The following SOX5 variants were observed in gnomAD, a reference collection of about 807,000 sequenced individuals.
SOX5 encodes the protein SRY-box transcription factor 5, also known as transcription factor SOX-5.
Under a neutral mutation model 92.0 loss-of-function variants are expected in SOX5, and 9 were observed. The ratio of observed to expected loss-of-function variants is 0.10; its 90% CI spans 0.06 to 0.17. SOX5 has a LOEUF of 0.17. Among genes scored for constraint, SOX5 ranks in the 10% least tolerant of loss-of-function variants. The pLI is 1.00. For missense variants in SOX5, 642 were observed against 944.5 expected (o/e 0.68, Z 4.20); for synonymous variants, 344 against 336.3 (o/e 1.02, Z -0.25).
intron 2 of SOX5, among the ~76,000 whole-genome samples, chr12:24,279,583 T>C (rs1177224958): frequency 6.6e-6 from 1 of 152,146 alleles, no homozygotes; most frequent in Admixed American, 6.6e-5. Flanking sequence ...ACAATGAACT[T>C]TCCTTTCCTA....
chr12:24,321,310 G>C (rs1389063337), intron 2 of SOX5, among the ~76,000 whole-genome samples: 1 of 152,152 alleles, frequency 6.6e-6, no homozygotes, highest in African/African-American at 2.4e-5. Context: ...ATTTATATTT[G>C]TGTAGAAAAA....
At chr12:24,378,698 A>C (rs1957528163) in intron 1 of SOX5, among the ~76,000 whole-genome samples, 2 of 152,258 alleles carry the variant, frequency 1.3e-5, no homozygotes, top group African/African-American at 4.8e-5. Context: ...CAGAGGAAAT[A>C]GTATAAATAA....
At chr12:23,816,503 A>G (rs2142565499) in intron 3 of SOX5, among the ~76,000 whole-genome samples, 1 of 152,226 alleles carries the variant, frequency 6.6e-6, no homozygotes, top group South Asian at 2.1e-4. Flanking sequence ...TAGCCAGGAC[A>G]AGATTTCTTA....
rs564618672 is a variant in SOX5, at chr12:23,645,177, A to T, written c.932-4280T>A. 7.9e-5 allele frequency among the ~76,000 whole-genome samples: 12 copies of T among 152,314 alleles called. No individual in the cohort carries two copies. The South Asian group carries it at 2.5e-3, about 32-fold the overall frequency. On this transcript the variant is annotated intron_variant, in intron 7 of 14. Coordinates refer to ENST00000451604, the MANE Select transcript of SOX5 (RefSeq NM_006940.6). ...TAGTATAGGAGGTAAGGGAGAACTA[A>T]TCCAGGCTTCAATCTTAAGGGAATA... is the stretch of plus-strand genomic sequence containing the variant.
At chr12:23,764,640 G>A (rs1463253839) in intron 3 of SOX5, among the ~76,000 whole-genome samples, 3 of 152,028 alleles carry the variant, frequency 2.0e-5, no homozygotes, top group Non-Finnish European at 4.4e-5. Context: ...ATCACTTTGT[G>A]TAATTGGATG....
intron 6 of SOX5, among the ~76,000 whole-genome samples, chr12:23,667,924 G>A (rs1055457919): frequency 2.6e-5 from 4 of 152,164 alleles, no homozygotes; most frequent in Non-Finnish European, 5.9e-5. Flanking sequence ...CTGATTATTC[G>A]TGGATTCTGT....
chr12:24,242,199 T>C (rs1390745648), intron 3 of SOX5, among the ~76,000 whole-genome samples: 1 of 152,200 alleles, frequency 6.6e-6, no homozygotes, highest in African/African-American at 2.4e-5. Context: ...TAAACTGAAC[T>C]AATTGAGTTG....
At chr12:23,729,661 T>G (rs2093316567) in intron 6 of SOX5, among the ~76,000 whole-genome samples, 1 of 152,180 alleles carries the variant, frequency 6.6e-6, no homozygotes, top group South Asian at 2.1e-4. Context: ...TTGGAAAAGT[T>G]AATCAGATGG....
rs1206089432 is a variant in SOX5 at position 23,530,476 on chromosome 12, TAA to T, written c.*3741_*3742del. On this transcript the variant is annotated 3_prime_UTR_variant, in exon 15 of 15. Transcript: ENST00000451604. ...AAAACTTTTTTATATTTGTTCTTTA[TAA>T]GAGGATTTGGTTCTAACGATGATTA... The T allele has an allele frequency of 9.0e-6, 1 of 111,336 alleles. No individual in the cohort carries two copies. Among genetic ancestry groups the T allele is most frequent in the Non-Finnish European group, 1.9e-5 (1 of 51,570 alleles). 6.9% of individuals were successfully genotyped at this position (111,336 alleles called of 1,614,324 possible). A position where few individuals can be genotyped will look rare whatever the true frequency, so the allele number is the denominator to read the frequency against.
chr12:24,263,510 A>G (rs1041896847), intron 3 of SOX5, among the ~76,000 whole-genome samples: 2 of 136,546 alleles, frequency 1.5e-5, no homozygotes, highest in African/African-American at 5.2e-5. Flanking sequence ...CCTGGGCGAC[A>G]GAGCGAGACT....
At chr12:24,386,840 A>G (rs995156475) in intron 1 of SOX5, among the ~76,000 whole-genome samples, 2 of 152,230 alleles carry the variant, frequency 1.3e-5, no homozygotes, top group Non-Finnish European at 2.9e-5. Context: ...ATTTCTAAAA[A>G]TCCAAGTAGT....
chr12:24,507,893 T>A (rs545165683), intron 1 of SOX5, among the ~76,000 whole-genome samples: 2 of 152,280 alleles, frequency 1.3e-5, no homozygotes, highest in East Asian at 3.9e-4. Flanking sequence ...TTTGAAAATT[T>A]CCATAATTTT....
At chr12:23,743,147 A>C (rs2093859165) in intron 4 of SOX5, among the ~76,000 whole-genome samples, 1 of 152,156 alleles carries the variant, frequency 6.6e-6, no homozygotes, top group Non-Finnish European at 1.5e-5. Flanking sequence ...TTTATGATAT[A>C]AAGCTAGGTT....
intron 3 of SOX5, among the ~76,000 whole-genome samples, chr12:24,253,491 T>C (rs1940569892): frequency 6.6e-6 from 1 of 152,138 alleles, no homozygotes; most frequent in Admixed American, 6.5e-5. Context: ...ATTTATATTT[T>C]TCAGTGTCTT....
intron 4 of SOX5, among the ~76,000 whole-genome samples, chr12:24,028,134 T>G (rs1955085638): frequency 6.6e-6 from 1 of 151,994 alleles, no homozygotes; most frequent in South Asian, 2.1e-4. Context: ...ATTATGACAC[T>G]TCCCTCTTAT....
intron 3 of SOX5, among the ~76,000 whole-genome samples, chr12:23,838,020 T>C (rs2096454446): frequency 9.4e-6 from 1 of 106,634 alleles, no homozygotes; most frequent in South Asian, 2.6e-4. Flanking sequence ...TTATATAATA[T>C]ATATACATTT....
At chr12:24,517,696 AT>A (rs1429629506) in intron 1 of SOX5, among the ~76,000 whole-genome samples, 1 of 112,360 alleles carries the variant, frequency 8.9e-6, no homozygotes, top group Non-Finnish European at 1.8e-5. Flanking sequence ...AACATAATTA[AT>A]TCCATGTTTT....
chr12:24,187,802 C>T (rs984213731), intron 4 of SOX5, among the ~76,000 whole-genome samples: 1 of 152,172 alleles, frequency 6.6e-6, no homozygotes, highest in East Asian at 1.9e-4. Context: ...CTCAGTCATT[C>T]GTCCAAAATT....
At chr12:24,114,458 T>A (rs1390450740) in intron 4 of SOX5, among the ~76,000 whole-genome samples, 1 of 150,450 alleles carries the variant, frequency 6.6e-6, no homozygotes, top group Non-Finnish European at 1.5e-5. Flanking sequence ...GTGCCTGTAA[T>A]CCCAGCTTGT....
Sources: gnomAD v4.1 joint callset for allele counts (sites outside exome capture counted in the v4.1 genomes callset) on GRCh38, gnomAD v4.1.1 for gene constraint, MANE v1.5 for transcripts, NCBI Gene and HGNC (gene_info 2026-07-23, HGNC 2026-07-21) for gene names.